ARSL: variants seen among roughly 807,000 people sequenced by gnomAD.
ARSL encodes the protein arylsulfatase L, also known as arylsulfatase E (chondrodysplasia punctata 1).
Under a neutral mutation model 31.1 loss-of-function variants are expected in ARSL, and 4 were observed. The observed-to-expected ratio is 0.13, with a 90% CI of 0.06 to 0.29. ARSL has a LOEUF of 0.29. ARSL is among the 10% of genes least tolerant of loss of function. The pLI is 1.00. For synonymous variants in ARSL, 198 were observed against 209.9 expected, an observed-to-expected ratio of 0.94 and a Z score of 0.49; for missense variants, 312 against 497.8, an observed-to-expected ratio of 0.63 and a Z score of 3.55.
chrX:2,949,885 T>C (rs2089439211), intron 5 of ARSL, among the ~76,000 whole-genome samples, 158 bp from the exon 6 acceptor site: 1 of 112,444 alleles, frequency 8.9e-6, no homozygotes, highest in Admixed American at 9.4e-5. Context: ...TGCACCACAA[T>C]CTGGCCTCAT....
At chrX:2,954,199 C>T (rs191868729) in intron 4 of ARSL, among the ~76,000 whole-genome samples, 3 of 111,257 alleles carry the variant, frequency 2.7e-5, no homozygotes, top group South Asian at 7.7e-4. Flanking sequence ...GTGGGAATAT[C>T]CTCTGGATGA....
chrX:2,967,927 T>C (rs2089710974), upstream of ARSL, among the ~76,000 whole-genome samples: 3 of 112,503 alleles, frequency 2.7e-5, no homozygotes, highest in African/African-American at 9.7e-5. Flanking sequence ...TCTTCCCTCG[T>C]TGCTTTTTTT....
At position 2,953,222 on chromosome X, in the gene ARSL, T is replaced by C; in HGVS notation, c.351A>G (p.Gly117=). ...SIGYRVLQWT[G]ASGGLPTNET... Reference sequence around the variant, plus strand: ...CATTTGTTGGAAGACCTCCAGATGCTCCGGTCCACTGAAGAACACGGTAAC... The same window carrying C: ...CATTTGTTGGAAGACCTCCAGATGCCCCGGTCCACTGAAGAACACGGTAAC... The change falls in exon 5 of 11, where the codon GGA becomes GGG. Residue 117 remains glycine, a synonymous_variant. Coordinates refer to ENST00000381134, the MANE Select transcript of ARSL (RefSeq NM_000047.3). 8.3e-7 allele frequency: 1 copy of C among 1,210,819 alleles called. No individual in the cohort carries two copies. The highest frequency in any genetic ancestry group is 1.1e-6 in the Non-Finnish European group (1 of 894,667).
chrX:2,947,728 T>C (rs2089404455), intron 6 of ARSL, among the ~76,000 whole-genome samples: 1 of 111,680 alleles, frequency 9.0e-6, no homozygotes, highest in Non-Finnish European at 1.9e-5. Flanking sequence ...CCAGATCCTG[T>C]CACATTTAAA....
intron 5 of ARSL, among the ~76,000 whole-genome samples, chrX:2,950,766 C>T (rs1365446637): frequency 9.0e-6 from 1 of 111,593 alleles, no homozygotes; most frequent in Non-Finnish European, 1.9e-5. Context: ...TTATTAGCAG[C>T]GTGAGAACAG....
intron 8 of ARSL, among the ~76,000 whole-genome samples, chrX:2,939,115 G>A (rs2089245404): frequency 8.9e-6 from 1 of 112,081 alleles, no homozygotes; most frequent in Non-Finnish European, 1.9e-5. Context: ...AGGGGTCCTT[G>A]TAGATGCAAT....
chrX:2,955,642 G>T, intron 3 of ARSL, 105 bp from the exon 4 acceptor site: 1 of 940,295 alleles, frequency 1.1e-6, no homozygotes, highest in Non-Finnish European at 1.5e-6. Context: ...ATCGCTGAGT[G>T]CTTCAAGATG....
At chrX:2,946,819 A>G (rs911720328) in intron 6 of ARSL, among the ~76,000 whole-genome samples, 2 of 110,428 alleles carry the variant, frequency 1.8e-5, no homozygotes, top group Admixed American at 1.9e-4. Flanking sequence ...ACAGGCATGC[A>G]CCACAACACA....
At position 2,936,772 on chromosome X, in the gene ARSL, G is replaced by A; in HGVS notation, c.1381C>T (p.Leu461=). Residue 461 remains leucine, a synonymous_variant, in exon 10 of 11, where the codon CTG becomes TTG. Transcript: ENST00000381134. The part of the protein sequence containing the change: ...EFLMHYCERF[L]HAARWHQRDR... The stretch of plus-strand genomic sequence containing the variant: ...CGTTGATGCCACCTGGCTGCGTGCA[G>A]AAACCTCTCACAATAATGCATCAGG... 1 of 1,211,469 alleles carries A rather than the reference G, an allele frequency of 8.3e-7. No individual in the cohort carries two copies. The highest frequency in any genetic ancestry group is 1.1e-6 in the Non-Finnish European group (1 of 895,419).
intron 4 of ARSL, among the ~76,000 whole-genome samples, chrX:2,954,952 G>A (rs1483250493): frequency 8.9e-6 from 1 of 112,062 alleles, no homozygotes; most frequent in Non-Finnish European, 1.9e-5. Context: ...ATCTGCAGGG[G>A]CTGTCCCTAG....
chrX:2,949,321 A>G lies in ARSL; in HGVS notation c.837T>C (p.Val279=), dbSNP rs760371548. The change falls in exon 6 of 11, where the codon GTT becomes GTC. Residue 279 remains valine, a synonymous_variant. Transcript: ENST00000381134. ...CTGCTGACCTTTTGAGAAAGGACGC[A>G]ACCTCCTGCAGAATAAGGGGTGTCG... ...QRTTPLILQE[V]ASFLKRNKHG... 1.9e-5 allele frequency: 23 copies of G among 1,209,533 alleles called. No homozygotes were observed. The highest frequency in any genetic ancestry group is 2.5e-5 in the Non-Finnish European group (22 of 895,249).
At chrX:2,943,445 A>G (rs2089309859) in intron 7 of ARSL, among the ~76,000 whole-genome samples, 1 of 111,059 alleles carries the variant, frequency 9.0e-6, no homozygotes, top group East Asian at 2.8e-4. Context: ...CAAAAACTTA[A>G]AAGTGCAGCA....
intron 4 of ARSL, 111 bp downstream of exon 4, chrX:2,955,305 C>G: frequency 1.0e-6 from 1 of 972,936 alleles, no homozygotes; most frequent in Non-Finnish European, 1.4e-6. Flanking sequence ...ATAGAGAGAA[C>G]ACCCCCCAGT....
chrX:2,945,287 G>A (rs2089361123), intron 7 of ARSL, among the ~76,000 whole-genome samples: 1 of 111,547 alleles, frequency 9.0e-6, no homozygotes, highest in Admixed American at 9.5e-5. Flanking sequence ...GAGGACAAGG[G>A]GGTTGGGTAG....
chrX:2,949,609 G>A lies in ARSL; in HGVS notation c.549C>T (p.Arg183=), dbSNP rs5982618. The A allele has an allele frequency of 6.9e-3, 8,335 of 1,209,080 alleles. 268 individuals carry two copies. The African/African-American group carries it at 0.11, about 16-fold the overall frequency. Residue 183 remains arginine, a synonymous_variant, in exon 6 of 11, where the codon CGC becomes CGT. Transcript: ENST00000381134. The part of the protein sequence containing the change: ...MPFSLMGDCA[R]WELSEKRVNL... Reference sequence around the variant, plus strand: ...TGACACGCTTCTCTGAGAGTTCCCAGCGGGCGCAATCACCCATCAAGGAGA... The same window carrying A: ...TGACACGCTTCTCTGAGAGTTCCCAACGGGCGCAATCACCCATCAAGGAGA...
intron 6 of ARSL, among the ~76,000 whole-genome samples, chrX:2,948,762 A>G (rs769838425): frequency 9.0e-6 from 1 of 111,121 alleles, no homozygotes; most frequent in East Asian, 2.8e-4. Flanking sequence ...AGTAGCTGGG[A>G]TAACAGGTGT....
rs752219775 is a variant in ARSL, at chrX:2,939,259, C to T, written c.1127-1002G>A. On this transcript the variant is annotated intron_variant, in intron 8 of 10. Transcript: ENST00000381134. Reference sequence around the variant, plus strand: ...GGAGGCAGAGACTGGAGTGATGTGGCCACAAGCTCAGGGACACCTGGGGCC... The same window carrying T: ...GGAGGCAGAGACTGGAGTGATGTGGTCACAAGCTCAGGGACACCTGGGGCC... 1.7e-4 allele frequency among the ~76,000 whole-genome samples: 19 copies of T among 111,503 alleles called. No individual in the cohort carries two copies. In the South Asian group the frequency reaches 3.4e-3, roughly 20 times the overall value.
chrX:2,951,800 TAAA>T (rs35592318), intron 5 of ARSL, among the ~76,000 whole-genome samples: 1 of 84,228 alleles, frequency 1.2e-5, no homozygotes. Flanking sequence ...GTACCCTGTT[TAAA>T]AAAAAAAAAA....
intron 7 of ARSL, among the ~76,000 whole-genome samples, chrX:2,944,037 G>T (rs926193936): frequency 2.7e-5 from 3 of 110,438 alleles, no homozygotes; most frequent in African/African-American, 9.9e-5. Flanking sequence ...AAATTAGCCG[G>T]GTGTGGTAGT....
Sources: gnomAD v4.1 joint callset for allele counts (sites outside exome capture counted in the v4.1 genomes callset) on GRCh38, gnomAD v4.1.1 for gene constraint, MANE v1.5 for transcripts, NCBI Gene and HGNC (gene_info 2026-07-23, HGNC 2026-07-21) for gene names.